Variants in MREG observed in about 807,000 individuals in gnomAD.
The protein encoded by MREG is melanoregulin.
A neutral mutation model predicts 28.5 loss-of-function variants in MREG; 31 were observed. The ratio of observed to expected loss-of-function variants is 1.09; its 90% CI spans 0.82 to 1.47. The LOEUF is 1.47. MREG is among the 40% of genes most tolerant of loss of function. The pLI, the probability that MREG is intolerant of heterozygous loss-of-function variation, is 0.00. For missense variants in MREG, 256 were observed against 257.4 expected (o/e 0.99, Z 0.04); for synonymous variants, 106 against 95.2 (o/e 1.11, Z -0.66).
At chr2:216,009,095 T>TA (rs1181914807) in intron 1 of MREG, among the ~76,000 whole-genome samples, 1 of 152,130 alleles carries the variant, frequency 6.6e-6, no homozygotes, top group Non-Finnish European at 1.5e-5. Flanking sequence ...AATACAGAGT[T>TA]AGGTTCCTGT....
In MREG at chr2:215,942,742, T is replaced by A. The variant is rs142880584; in HGVS notation, c.*2121A>T. The A allele has an allele frequency of 1.3e-5, 2 of 152,574 alleles. No homozygotes were observed. The highest frequency in any genetic ancestry group is 4.8e-5 in the African/African-American group (2 of 41,430). 9.5% of individuals were successfully genotyped at this position (152,574 alleles called of 1,614,324 possible). A position where few individuals can be genotyped will look rare whatever the true frequency, so the allele number is the denominator to read the frequency against. Reference sequence around the variant, plus strand: ...GCACACAATCTCATCTATTTTGACATAAAAAAGGCAGAAAGGCAAAATACA... The same window carrying A: ...GCACACAATCTCATCTATTTTGACAAAAAAAAGGCAGAAAGGCAAAATACA... On this transcript the variant is annotated 3_prime_UTR_variant, in exon 5 of 5. Coordinates refer to ENST00000263268, the MANE Select transcript of MREG (RefSeq NM_018000.3).
intron 2 of MREG, among the ~76,000 whole-genome samples, chr2:215,987,264 T>TA (rs1553552099): frequency 6.6e-6 from 1 of 152,002 alleles, no homozygotes; most frequent in African/African-American, 2.4e-5. Flanking sequence ...TTTTTTTTTT[T>TA]AGATGAAGTC....
upstream of MREG, among the ~76,000 whole-genome samples, chr2:216,014,085 C>A (rs1694388534): frequency 1.3e-5 from 2 of 152,012 alleles, no homozygotes; most frequent in South Asian, 4.1e-4. Context: ...ATGTGCCTGT[C>A]CTCATCCCTT....
At chr2:215,947,504 T>G (rs1033435686) in intron 2 of MREG, among the ~76,000 whole-genome samples, 2 of 152,180 alleles carry the variant, frequency 1.3e-5, no homozygotes, top group African/African-American at 4.8e-5. Context: ...AAAATCTATA[T>G]ATTATTAAAG....
At chr2:215,945,826 C>A in intron 3 of MREG, 92 bp from the exon 4 acceptor site, 1 of 1,089,312 alleles carries the variant, frequency 9.2e-7, no homozygotes, top group South Asian at 1.6e-5. Flanking sequence ...CGAACAGACC[C>A]ATGTGGATTC....
At chr2:216,028,624 T>C (rs1001826694) in intron 1 of MREG, among the ~76,000 whole-genome samples, 1 of 152,004 alleles carries the variant, frequency 6.6e-6, no homozygotes, top group Non-Finnish European at 1.5e-5. Context: ...TTTTAATGTG[T>C]GATAGCTGAC....
At chr2:215,986,085 A>G (rs1693562748) in intron 2 of MREG, among the ~76,000 whole-genome samples, 1 of 152,230 alleles carries the variant, frequency 6.6e-6, no homozygotes. Flanking sequence ...GGACAAAACA[A>G]CAATAATCAT....
rs767954045 is a variant in MREG, at chr2:215,996,474, T to C, written c.96-9A>G. 3 of 1,598,820 alleles carry C rather than the reference T, an allele frequency of 1.9e-6. No individual in the cohort carries two copies. The highest frequency in any genetic ancestry group is 1.8e-5 in the Admixed American group (1 of 56,154). ...AATATGGATTGTTATCACTGTTGTA[T>C]AAAAAAAGGAAAGATTGGGGTTTTA... On this transcript the variant is annotated splice_polypyrimidine_tract_variant and intron_variant, in intron 1 of 4. Transcript: ENST00000263268.
intron 1 of MREG, among the ~76,000 whole-genome samples, chr2:216,029,787 G>T (rs766733891): frequency 5.3e-5 from 8 of 152,222 alleles, no homozygotes; most frequent in Non-Finnish European, 1.0e-4. Flanking sequence ...CAAAGTTTTA[G>T]ATTTGTTTTT....
rs986925984 is a variant in MREG at position 215,988,904 on chromosome 2, T to G, written c.255+7402A>C. Reference sequence around the variant, plus strand: ...GGCAGCAGCCCCAGTCAGGGGCTTATAGATAAAACTCCCATCTCCCTGGGA... The same window carrying G: ...GGCAGCAGCCCCAGTCAGGGGCTTAGAGATAAAACTCCCATCTCCCTGGGA... On this transcript the variant is annotated intron_variant, in intron 2 of 4. Coordinates refer to ENST00000263268, the MANE Select transcript of MREG (RefSeq NM_018000.3). 2.6e-5 allele frequency among the ~76,000 whole-genome samples: 4 copies of G among 152,194 alleles called. No homozygotes were observed. The East Asian group carries it at 7.7e-4, about 29-fold the overall frequency.
chr2:215,990,309 G>C (rs1342215990), intron 2 of MREG, among the ~76,000 whole-genome samples: 2 of 152,150 alleles, frequency 1.3e-5, no homozygotes, highest in Non-Finnish European at 2.9e-5. Context: ...CTTCATAAGT[G>C]AAAGAGAAAT....
upstream of MREG, among the ~76,000 whole-genome samples, chr2:216,033,323 T>C (rs1694739394): frequency 6.6e-6 from 1 of 152,154 alleles, no homozygotes; most frequent in Non-Finnish European, 1.5e-5. Context: ...CATTATCACG[T>C]TGAATAAAAT....
chr2:216,005,735 G>A (rs903430405), intron 1 of MREG, among the ~76,000 whole-genome samples: 6 of 151,278 alleles, frequency 4.0e-5, no homozygotes, highest in African/African-American at 1.5e-4. Flanking sequence ...TTACAGGTGT[G>A]AGCCAACCAT....
chr2:215,985,545 C>T (rs1187908581), intron 2 of MREG, among the ~76,000 whole-genome samples: 1 of 152,172 alleles, frequency 6.6e-6, no homozygotes, highest in Non-Finnish European at 1.5e-5. Context: ...ATTTTTTTGA[C>T]ACCAAATGAC....
Position 215,983,607 on chromosome 2 carries a change from T to C in MREG, c.255+12699A>G, listed in dbSNP as rs978336070. 6.6e-5 allele frequency among the ~76,000 whole-genome samples: 10 copies of C among 152,352 alleles called. No homozygotes were observed. In the South Asian group the frequency reaches 1.5e-3, roughly 22 times the overall value. ...ATTATAAATGAGGATCATTTATGTGTCTGCCTCTGTAGTTTTAATTTTTTG... is the reference window on the plus strand; with the variant it reads ...ATTATAAATGAGGATCATTTATGTGCCTGCCTCTGTAGTTTTAATTTTTTG... On this transcript the variant is annotated intron_variant, in intron 2 of 4. Transcript: ENST00000263268.
upstream of MREG, chr2:216,013,654 C>A (rs562805867): frequency 1.3e-5 from 2 of 152,602 alleles, no homozygotes; most frequent in South Asian, 2.1e-4. Flanking sequence ...AGCAGGGACT[C>A]CAGCCAGTCC....
rs554597567 is a variant in MREG at position 215,997,975 on chromosome 2, G to A, written c.96-1510C>T. On this transcript the variant is annotated intron_variant, in intron 1 of 4. Coordinates refer to ENST00000263268, the MANE Select transcript of MREG (RefSeq NM_018000.3). ...GGAGGGGCTCCAGCCCTAGAGTGAT[G>A]AGGTACAGGTCAGACTGCCAATCAC... 5.9e-5 allele frequency among the ~76,000 whole-genome samples: 9 copies of A among 152,268 alleles called. No individual in the cohort carries two copies. The East Asian group carries it at 1.6e-3, about 26-fold the overall frequency.
At chr2:216,030,145 G>C (rs1025970283) in intron 1 of MREG, among the ~76,000 whole-genome samples, 1 of 152,054 alleles carries the variant, frequency 6.6e-6, no homozygotes, top group South Asian at 2.1e-4. Flanking sequence ...AAATCAAGGG[G>C]GACAGATAGA....
chr2:215,995,002 A>G (rs1693830029), intron 2 of MREG, among the ~76,000 whole-genome samples: 1 of 152,234 alleles, frequency 6.6e-6, no homozygotes, highest in African/African-American at 2.4e-5. Flanking sequence ...TCACCAGCAG[A>G]AACCTTAACT....
Sources: allele counts gnomAD v4.1 joint callset (sites outside exome capture counted in the v4.1 genomes callset), GRCh38; gene constraint gnomAD v4.1.1; transcripts MANE v1.5; gene names NCBI Gene and HGNC (gene_info 2026-07-23, HGNC 2026-07-21).